The following PTPRN2 variants were observed in gnomAD, a reference collection of about 807,000 sequenced individuals.
PTPRN2 encodes the protein protein tyrosine phosphatase receptor type N2, also known as receptor-type tyrosine-protein phosphatase N2.
In PTPRN2, 74 loss-of-function variants were observed where a neutral mutation model predicts 118.8. The observed-to-expected ratio is 0.62, with a 90% CI of 0.52 to 0.76. The LOEUF is 0.76. PTPRN2 is among the 30% of genes least tolerant of loss of function. PTPRN2 has a pLI of 0.00. For synonymous variants in PTPRN2, 641 were observed against 608.0 expected, an observed-to-expected ratio of 1.05 and a Z score of -0.80; for missense variants, 1,481 against 1,394.4, an observed-to-expected ratio of 1.06 and a Z score of -0.99.
At chr7:157,547,650 C>T (rs780386755) in intron 22 of PTPRN2, among the ~76,000 whole-genome samples, 2 of 152,100 alleles carry the variant, frequency 1.3e-5, no homozygotes, top group Non-Finnish European at 2.9e-5. Flanking sequence ...AGCTTCTCCC[C>T]GCGGGACACT....
At chr7:157,584,016 G>A (rs1246100287) in intron 17 of PTPRN2, among the ~76,000 whole-genome samples, 1 of 152,004 alleles carries the variant, frequency 6.6e-6, no homozygotes, top group African/African-American at 2.4e-5. Flanking sequence ...AAACACTGGA[G>A]CTGGATGTGG....
rs181668636 is a variant in PTPRN2, at chr7:158,354,062, G to A, written c.164-37130C>T. 1.1e-3 allele frequency among the ~76,000 whole-genome samples: 163 copies of A among 152,310 alleles called. 1 individual carries two copies. Among genetic ancestry groups the A allele is most frequent in the South Asian group, 2.3e-3 (11 of 4,832 alleles). On this transcript the variant is annotated intron_variant, in intron 2 of 22. Transcript: ENST00000389418. Reference sequence around the variant, plus strand: ...CCAGGTCCCCTCCCAGCCTTCCCACGTTATCAGGACATCCCCTTTGGGACA... The same window carrying A: ...CCAGGTCCCCTCCCAGCCTTCCCACATTATCAGGACATCCCCTTTGGGACA...
chr7:158,343,931 TAAATTCAGCTCCC>T (rs1172472714), intron 2 of PTPRN2, among the ~76,000 whole-genome samples: 1 of 152,106 alleles, frequency 6.6e-6, no homozygotes, highest in African/African-American at 2.4e-5. Context: ...AGGATGAGTT[TAAATTCAGCTCCC>T]AAAGAAGACC....
At position 157,670,292 on chromosome 7, in the gene PTPRN2, C is replaced by A. The variant is rs577310358; in HGVS notation, c.2001+12433G>T. 4.9e-4 allele frequency among the ~76,000 whole-genome samples: 74 copies of A among 152,276 alleles called. 1 individual carries two copies. Among genetic ancestry groups the A allele is most frequent in the Non-Finnish European group, 9.4e-4 (64 of 68,034 alleles). On this transcript the variant is annotated intron_variant, in intron 13 of 22. Transcript: ENST00000389418. The stretch of plus-strand genomic sequence containing the variant: ...GCTGCATCCGAGAGTGACCGACGTG[C>A]TGAAACCCGACCTCCTGCCTCCCTT...
intron 11 of PTPRN2, among the ~76,000 whole-genome samples, chr7:157,932,279 C>T (rs748012746): frequency 7.2e-5 from 11 of 152,344 alleles, no homozygotes; most frequent in Admixed American, 2.6e-4. Context: ...AGAACTTACA[C>T]GATTTGTCTA....
chr7:157,845,567 C>T lies in PTPRN2; in HGVS notation c.1788+53106G>A, dbSNP rs902177945. Among the ~76,000 whole-genome samples the T allele has an allele frequency of 3.3e-5, 5 of 152,246 alleles. No homozygotes were observed. The highest frequency in any genetic ancestry group is 2.1e-4 in the South Asian group (1 of 4,832). The stretch of plus-strand genomic sequence containing the variant: ...CATGCAGCCTAACTCACCACGTTCC[C>T]GGCCACACAGGGCCAAGAACAGCCC... On this transcript the variant is annotated intron_variant, in intron 12 of 22. Coordinates refer to ENST00000389418, the MANE Select transcript of PTPRN2 (RefSeq NM_002847.5). The surrounding 1 kb of genome is among the most constrained non-coding windows in gnomAD (Gnocchi z 4.5).
In PTPRN2 at chr7:158,167,027, G is replaced by T. The variant is rs1442575229; in HGVS notation, c.814C>A (p.Pro272Thr). The change falls in exon 6 of 23, where the codon CCC (proline) becomes ACC (threonine). Residue 272 changes from proline to threonine, a missense_variant. Around this residue, in one of 3 missense-constraint regions of PTPRN2, gnomAD observed 1,115 missense variants for 994.2 expected, o/e 1.12. Coordinates refer to ENST00000389418, the MANE Select transcript of PTPRN2 (RefSeq NM_002847.5). ...SLEPQYLLRAPSRMPRPLLAP... is the reference protein window; with the variant it reads ...SLEPQYLLRATSRMPRPLLAP... The stretch of plus-strand genomic sequence containing the variant: ...AGCAAAGGCCTGGGCATTCTTGAGG[G>T]TGCACGCAGAAGGTACTGTGGCTCC... 2.0e-6 allele frequency: 3 copies of T among 1,517,086 alleles called. No homozygotes were observed. Among genetic ancestry groups the T allele is most frequent in the Non-Finnish European group, 2.7e-6 (3 of 1,130,958 alleles). 94.0% of individuals were successfully genotyped at this position (1,517,086 alleles called of 1,614,324 possible). A position where few individuals can be genotyped will look rare whatever the true frequency, so the allele number is the denominator to read the frequency against.
chr7:157,551,603 C>A (rs1288070081), intron 21 of PTPRN2, among the ~76,000 whole-genome samples: 3 of 148,352 alleles, frequency 2.0e-5, no homozygotes, highest in Non-Finnish European at 3.0e-5. Flanking sequence ...ACCACACAAC[C>A]CACAGCCACC....
At chr7:157,952,235 G>A (rs1800859109) in intron 11 of PTPRN2, among the ~76,000 whole-genome samples, 1 of 152,182 alleles carries the variant, frequency 6.6e-6, no homozygotes, top group Non-Finnish European at 1.5e-5. Context: ...CGGGCGATGG[G>A]GCCGAACCCC....
intron 2 of PTPRN2, among the ~76,000 whole-genome samples, chr7:158,390,879 G>A (rs1317140166): frequency 1.8e-4 from 27 of 152,202 alleles, no homozygotes; most frequent in Non-Finnish European, 1.3e-4. Flanking sequence ...GGGCAGGAAG[G>A]GCAGATGAAA....
At chr7:158,580,812 G>A (rs1316772019) in intron 1 of PTPRN2, among the ~76,000 whole-genome samples, 1 of 152,128 alleles carries the variant, frequency 6.6e-6, no homozygotes, top group African/African-American at 2.4e-5. Context: ...AAATTTTTAT[G>A]GACACATCGA....
chr7:158,218,471 G>C (rs1159601379), intron 3 of PTPRN2, among the ~76,000 whole-genome samples: 1 of 152,088 alleles, frequency 6.6e-6, no homozygotes, highest in Non-Finnish European at 1.5e-5. Context: ...AAAGATACCT[G>C]CCTCCACAAA....
Position 158,069,647 on chromosome 7 carries a change from C to T in PTPRN2, c.1723+11651G>A, listed in dbSNP as rs144737799. 1.1e-3 allele frequency among the ~76,000 whole-genome samples: 167 copies of T among 152,338 alleles called. 2 individuals carry two copies. Among genetic ancestry groups the T allele is most frequent in the Middle Eastern group, 3.4e-3 (1 of 294 alleles). Reference sequence around the variant, plus strand: ...TTCTTTACCCACAATTGTTGCTATTCTTCTAACCCCATGACATCTTACTGT... The same window carrying T: ...TTCTTTACCCACAATTGTTGCTATTTTTCTAACCCCATGACATCTTACTGT... On this transcript the variant is annotated intron_variant, in intron 11 of 22. Transcript: ENST00000389418.
At chr7:158,202,611 G>A (rs543428455) in intron 4 of PTPRN2, among the ~76,000 whole-genome samples, 1 of 152,178 alleles carries the variant, frequency 6.6e-6, no homozygotes, top group Non-Finnish European at 1.5e-5. Context: ...AAGGGAGTGT[G>A]GAGGAAAGGA....
At chr7:157,582,447 C>T (rs1348867832) in intron 17 of PTPRN2, among the ~76,000 whole-genome samples, 1 of 152,178 alleles carries the variant, frequency 6.6e-6, no homozygotes, top group Non-Finnish European at 1.5e-5. Context: ...AAAACCACAG[C>T]GCACTGGCAC....
At chr7:158,354,782 C>T (rs1808260432) in intron 2 of PTPRN2, among the ~76,000 whole-genome samples, 2 of 152,150 alleles carry the variant, frequency 1.3e-5, no homozygotes, top group Admixed American at 6.6e-5. Context: ...TAACAGAAAA[C>T]TTTCTGAAAC....
chr7:158,430,238 T>C (rs768852739), intron 2 of PTPRN2, among the ~76,000 whole-genome samples: 5 of 152,236 alleles, frequency 3.3e-5, no homozygotes, highest in Admixed American at 1.3e-4. Flanking sequence ...AACAATGCTT[T>C]GTAAGGATCC....
At chr7:158,267,674 T>C (rs1034742311) in intron 3 of PTPRN2, among the ~76,000 whole-genome samples, 1 of 152,236 alleles carries the variant, frequency 6.6e-6, no homozygotes, top group African/African-American at 2.4e-5. Context: ...CCTAAGCTTC[T>C]GCAGGCCTTC....
chr7:158,406,229 T>C (rs75036158), intron 2 of PTPRN2, among the ~76,000 whole-genome samples: 1 of 146,690 alleles, frequency 6.8e-6, no homozygotes, highest in South Asian at 2.3e-4. Context: ...GACATTTGGC[T>C]GCACACTGAG....
Sources: allele counts gnomAD v4.1 joint callset (sites outside exome capture counted in the v4.1 genomes callset), GRCh38; gene constraint gnomAD v4.1.1; regional missense constraint gnomAD v4.1.1; non-coding constraint Gnocchi (gnomAD v3.1); transcripts MANE v1.5; gene names NCBI Gene and HGNC (gene_info 2026-07-23, HGNC 2026-07-21).